NCKAP5: variants seen among roughly 807,000 people sequenced by gnomAD.
The protein encoded by NCKAP5 is nck-associated protein 5.
NCKAP5 carries 92 observed loss-of-function variants against 167.0 expected under a neutral mutation model. The ratio of observed to expected loss-of-function variants is 0.55; its 90% confidence interval spans 0.47 to 0.66. The LOEUF is 0.66. Among genes scored for constraint, NCKAP5 ranks in the 30% least tolerant of loss-of-function variants. NCKAP5 has a pLI of 0.00. For missense variants in NCKAP5, 2,378 were observed against 2,315.0 expected (o/e 1.03, Z -0.56); for synonymous variants, 891 against 877.4 (o/e 1.02, Z -0.27).
At chr2:133,403,549 G>A (rs780807559) in intron 3 of NCKAP5, among the ~76,000 whole-genome samples, 7 of 152,288 alleles carry the variant, frequency 4.6e-5, no homozygotes, top group Non-Finnish European at 1.0e-4. Flanking sequence ...TCATATCCAT[G>A]TGAAACGTAC....
At chr2:133,411,392 C>T (rs1688764466) in intron 3 of NCKAP5, among the ~76,000 whole-genome samples, 1 of 152,100 alleles carries the variant, frequency 6.6e-6, no homozygotes, top group Non-Finnish European at 1.5e-5. Flanking sequence ...GGAGAATGTG[C>T]CACTAAGAAA....
intron 4 of NCKAP5, among the ~76,000 whole-genome samples, chr2:133,283,275 G>A (rs1469799313): frequency 6.6e-6 from 1 of 152,144 alleles, no homozygotes; most frequent in African/African-American, 2.4e-5. Flanking sequence ...TTTGAAGGAG[G>A]TAGAGGAGAA....
intron 6 of NCKAP5, among the ~76,000 whole-genome samples, chr2:133,034,193 C>T (rs1370289104): frequency 6.6e-6 from 1 of 152,156 alleles, no homozygotes; most frequent in African/African-American, 2.4e-5. Context: ...GGAAACCTTA[C>T]AGACCAGGAG....
intron 11 of NCKAP5, among the ~76,000 whole-genome samples, chr2:132,815,483 T>C (rs929613153): frequency 3.3e-5 from 5 of 152,200 alleles, no homozygotes; most frequent in Admixed American, 3.3e-4. Flanking sequence ...CAAATATTGC[T>C]CCTCAAATAC....
Position 133,425,759 on chromosome 2 carries a change from CAG to C in NCKAP5, c.69+91697_69+91698del, listed in dbSNP as rs397872902. Reference sequence around the variant, plus strand: ...TGGGGAGTCAGAAGAGGACTGAGCACAGAGTTTGTATTTGCATGTAAATGGAT... The same window carrying C: ...TGGGGAGTCAGAAGAGGACTGAGCACAGTTTGTATTTGCATGTAAATGGAT... On this transcript the variant is annotated intron_variant, in intron 3 of 19. Coordinates refer to ENST00000409261, the MANE Select transcript of NCKAP5 (RefSeq NM_207363.3). Among the ~76,000 whole-genome samples the C allele has an allele frequency of 3.1e-3, 477 of 152,238 alleles. 2 individuals are homozygous for C. The highest frequency in any genetic ancestry group is 0.011 in the African/African-American group (461 of 41,534).
intron 7 of NCKAP5, among the ~76,000 whole-genome samples, chr2:132,992,123 T>C (rs2077467289): frequency 6.6e-6 from 1 of 152,102 alleles, no homozygotes; most frequent in African/African-American, 2.4e-5. Context: ...CCACCTCCCT[T>C]TCCCATTTTA....
chr2:133,398,334 A>G (rs772583411), intron 3 of NCKAP5, among the ~76,000 whole-genome samples: 3 of 152,210 alleles, frequency 2.0e-5, no homozygotes, highest in Non-Finnish European at 2.9e-5. Flanking sequence ...TAAAACCTAG[A>G]TGATGGGCTG....
chr2:133,613,720 G>T, the NCKAP5 span, among the ~76,000 whole-genome samples: 1 of 152,102 alleles, frequency 6.6e-6, no homozygotes, highest in Non-Finnish European at 1.5e-5. Flanking sequence ...CTAGGCTGAG[G>T]CCACCCTCTT....
Position 133,165,962 on chromosome 2 carries a change from C to T in NCKAP5, c.208-35851G>A, listed in dbSNP as rs534022423. Among the ~76,000 whole-genome samples the T allele has an allele frequency of 4.0e-4, 61 of 152,246 alleles. No homozygotes were observed. The South Asian group carries it at 7.0e-3, about 18-fold the overall frequency. On this transcript the variant is annotated intron_variant, in intron 5 of 19. Coordinates refer to ENST00000409261, the MANE Select transcript of NCKAP5 (RefSeq NM_207363.3). ...AACCAATGTTTGAGTGCCTGCTCTA[C>T]GCTGTGTTCCATGTTTGGTGCTTTA... is the stretch of plus-strand genomic sequence containing the variant.
chr2:132,842,989 A>G (rs575225533), intron 11 of NCKAP5, among the ~76,000 whole-genome samples: 2 of 152,210 alleles, frequency 1.3e-5, no homozygotes, highest in South Asian at 4.1e-4. Context: ...TCTGGAGTGT[A>G]TTTTATAATT....
At chr2:132,918,439 T>TA (rs1423044325) in intron 8 of NCKAP5, among the ~76,000 whole-genome samples, 1 of 152,228 alleles carries the variant, frequency 6.6e-6, no homozygotes, top group Non-Finnish European at 1.5e-5. Flanking sequence ...TTAAAAGACA[T>TA]AGATCGTAGG....
At chr2:133,108,590 C>G (rs771452392) in intron 6 of NCKAP5, among the ~76,000 whole-genome samples, 2 of 152,198 alleles carry the variant, frequency 1.3e-5, no homozygotes, top group Non-Finnish European at 2.9e-5. Flanking sequence ...CTTGCCAATA[C>G]TTTTAAAAAC....
At chr2:133,608,062 C>T in the NCKAP5 span, among the ~76,000 whole-genome samples, 5 of 152,086 alleles carry the variant, frequency 3.3e-5, no homozygotes, top group Admixed American at 6.6e-5. Flanking sequence ...CAACAAATAC[C>T]TAATGTGAAT....
chr2:133,490,704 G>A (rs1681364910), intron 3 of NCKAP5, among the ~76,000 whole-genome samples: 1 of 152,158 alleles, frequency 6.6e-6, no homozygotes, highest in African/African-American at 2.4e-5. Flanking sequence ...CACCTCATGG[G>A]CAATCACTGA....
intron 8 of NCKAP5, among the ~76,000 whole-genome samples, chr2:132,956,242 G>T (rs539316184): frequency 1.3e-4 from 20 of 152,244 alleles, no homozygotes; most frequent in African/African-American, 3.1e-4. Flanking sequence ...TTTTTAAAAT[G>T]ACCAGTGAAA....
chr2:132,753,868 G>T (rs1302631310), intron 16 of NCKAP5, among the ~76,000 whole-genome samples: 1 of 152,146 alleles, frequency 6.6e-6, no homozygotes, highest in Non-Finnish European at 1.5e-5. Context: ...ATGTCCAACT[G>T]CCGGCAGCCA....
the NCKAP5 span, among the ~76,000 whole-genome samples, chr2:133,653,418 G>T: frequency 6.6e-6 from 1 of 152,156 alleles, no homozygotes; most frequent in South Asian, 2.1e-4. Context: ...CTTCCCTACA[G>T]AGAAGCCTAG....
intron 11 of NCKAP5, among the ~76,000 whole-genome samples, chr2:132,848,810 G>A (rs1688865925): frequency 6.6e-6 from 1 of 151,910 alleles, no homozygotes; most frequent in Non-Finnish European, 1.5e-5. Flanking sequence ...CTCCAGCCTG[G>A]GCAACATAGT....
intron 5 of NCKAP5, among the ~76,000 whole-genome samples, chr2:133,186,157 G>A (rs2084936974): frequency 2.0e-5 from 3 of 152,008 alleles, no homozygotes. Flanking sequence ...TCTGTTGAGG[G>A]TTTTTATCAT....
Sources: gnomAD v4.1 joint callset for allele counts (sites outside exome capture counted in the v4.1 genomes callset) on GRCh38, gnomAD v4.1.1 for gene constraint, MANE v1.5 for transcripts, NCBI Gene and HGNC (gene_info 2026-07-23, HGNC 2026-07-21) for gene names.